The following MARK4 variants were observed in gnomAD, a reference collection of about 807,000 sequenced individuals.
MARK4 encodes the protein microtubule affinity regulating kinase 4.
Under a neutral mutation model 81.5 loss-of-function variants are expected in MARK4, and 19 were observed. The ratio of observed to expected loss-of-function variants is 0.23; its 90% confidence interval spans 0.16 to 0.34. MARK4 has a LOEUF of 0.34. Among genes scored for constraint, MARK4 ranks in the 10% least tolerant of loss-of-function variants. The pLI, the probability that MARK4 is intolerant of heterozygous loss-of-function variation, is 1.00. For missense variants in MARK4, 772 were observed against 1,058.8 expected, an observed-to-expected ratio of 0.73 and a Z score of 3.76; for synonymous variants, 436 against 439.0, an observed-to-expected ratio of 0.99 and a Z score of 0.08.
chr19:45,298,270 G>A, intron 15 of MARK4: 8 of 1,586,538 alleles, frequency 5.0e-6, no homozygotes, highest in Non-Finnish European at 6.9e-6. Flanking sequence ...CTCCCTGCCT[G>A]CATGTCTGAC....
intron 12 of MARK4, among the ~76,000 whole-genome samples, chr19:45,286,742 T>G (rs1370694776): frequency 6.6e-6 from 1 of 151,758 alleles, no homozygotes; most frequent in Non-Finnish European, 1.5e-5. Context: ...AGAAGGAAAC[T>G]TAAGATATAT....
intron 13 of MARK4, among the ~76,000 whole-genome samples, chr19:45,290,887 G>A (rs1433937547): frequency 6.6e-6 from 1 of 152,164 alleles, no homozygotes; most frequent in East Asian, 1.9e-4. Flanking sequence ...ATGTTGTGAG[G>A]GAACCCCGTG....
chr19:45,300,168 A>C (rs1249056893), intron 16 of MARK4, among the ~76,000 whole-genome samples: 1 of 152,094 alleles, frequency 6.6e-6, no homozygotes, highest in East Asian at 1.9e-4. Flanking sequence ...AAGATGGAGA[A>C]ACCCCGTCGT....
intron 10 of MARK4, among the ~76,000 whole-genome samples, chr19:45,279,283 G>A (rs1489781094): frequency 6.6e-6 from 1 of 152,104 alleles, no homozygotes; most frequent in Non-Finnish European, 1.5e-5. Context: ...TTGGGAGGCT[G>A]AGGCTGACAG....
At chr19:45,255,894 G>GGT (rs929290934) in intron 1 of MARK4, among the ~76,000 whole-genome samples, 13 of 118,306 alleles carry the variant, frequency 1.1e-4, no homozygotes, top group Non-Finnish European at 1.7e-4. Context: ...GCCCTGAAAG[G>GGT]GAGACAGTCC....
intron 2 of MARK4, 63 bp downstream of exon 2, chr19:45,259,252 G>A (rs1395632389): frequency 3.2e-6 from 5 of 1,563,774 alleles, no homozygotes; most frequent in East Asian, 2.3e-5. Flanking sequence ...TTCGGTGTAT[G>A]TTGATAGAGG....
At chr19:45,264,945 G>GCCTGGGTC in intron 6 of MARK4, 35 bp downstream of exon 6, 1 of 1,608,366 alleles carries the variant, frequency 6.2e-7, no homozygotes, top group Non-Finnish European at 8.5e-7. Flanking sequence ...CTGACTGGGT[G>GCCTGGGTC]CCTGGGTCCC....
At position 45,278,555 on chromosome 19, in the gene MARK4, G is replaced by A; in HGVS notation, c.946G>A (p.Gly316Ser). Residue 316 changes from glycine to serine, a missense_variant, in exon 10 of 17, where the codon GGT becomes AGT. This residue lies in a region of MARK4 where 109 missense variants were observed against 294.7 expected (regional missense o/e 0.37). Transcript: ENST00000262891. ...CAAATGGATCAACATCGGCTATGAG[G>A]GTGAGGAGTTGAAGCCATACACAGA... ...KDKWINIGYEGEELKPYTEPE... is the reference protein window; with the variant it reads ...KDKWINIGYESEELKPYTEPE... The A allele has an allele frequency of 6.2e-7, 1 of 1,614,062 alleles. No individual in the cohort carries two copies. Among genetic ancestry groups the A allele is most frequent in the Non-Finnish European group, 8.5e-7 (1 of 1,179,996 alleles).
intron 8 of MARK4, among the ~76,000 whole-genome samples, chr19:45,276,392 T>C (rs937176019): frequency 7.2e-5 from 11 of 152,174 alleles, no homozygotes; most frequent in Non-Finnish European, 1.5e-4. Flanking sequence ...ATTTATCTTA[T>C]TTTTCACAGC....
chr19:45,290,851 G>A (rs192345391), intron 13 of MARK4, among the ~76,000 whole-genome samples: 26 of 152,304 alleles, frequency 1.7e-4, no homozygotes, highest in Admixed American at 2.0e-4. Context: ...TGCAGAGCCC[G>A]GGGTCAGTAC....
intron 7 of MARK4, 65 bp downstream of exon 7, chr19:45,266,346 C>G (rs1406976921): frequency 6.6e-6 from 10 of 1,513,888 alleles, no homozygotes; most frequent in South Asian, 2.2e-5. Context: ...TCCCTGCCCC[C>G]ACCCCTCCAT....
intron 14 of MARK4, among the ~76,000 whole-genome samples, chr19:45,296,445 G>T (rs1970888584): frequency 6.6e-6 from 1 of 152,216 alleles, no homozygotes; most frequent in African/African-American, 2.4e-5. Flanking sequence ...TTCCCAATCA[G>T]GAAGAAGTGG....
intron 7 of MARK4, among the ~76,000 whole-genome samples, chr19:45,269,680 A>G (rs1173944581): frequency 6.6e-6 from 1 of 152,122 alleles, no homozygotes; most frequent in Non-Finnish European, 1.5e-5. Flanking sequence ...TCCTCCGCGC[A>G]CTGTGGAAAC....
intron 13 of MARK4, 172 bp downstream of exon 13, chr19:45,287,836 T>G: frequency 1.3e-6 from 1 of 749,804 alleles, no homozygotes. Context: ...TGAGCTCAGT[T>G]TATACACTAA....
chr19:45,255,625 C>G (rs1253925116), intron 1 of MARK4, among the ~76,000 whole-genome samples: 1 of 151,316 alleles, frequency 6.6e-6, no homozygotes, highest in Non-Finnish European at 1.5e-5. Flanking sequence ...GGGTCCGGGT[C>G]TCACTTTCCC....
chr19:45,281,381 GAC>G (rs1970672761), intron 12 of MARK4, among the ~76,000 whole-genome samples: 1 of 62,888 alleles, frequency 1.6e-5, no homozygotes, highest in Non-Finnish European at 3.5e-5. Flanking sequence ...TTTTTTTTGA[GAC>G]AGAGTCTCAC....
intron 1 of MARK4, among the ~76,000 whole-genome samples, chr19:45,257,565 G>T (rs972116647): frequency 6.6e-6 from 1 of 151,686 alleles, no homozygotes; most frequent in Non-Finnish European, 1.5e-5. Flanking sequence ...TGTATTTTTA[G>T]TAGAGACGGG....
chr19:45,256,985 G>C (rs1970314993), intron 1 of MARK4, among the ~76,000 whole-genome samples: 1 of 151,772 alleles, frequency 6.6e-6, no homozygotes, highest in Admixed American at 6.6e-5. Context: ...ACAGGGTCTT[G>C]CTCTGTTGCC....
At chr19:45,269,836 C>T (rs1970502321) in intron 7 of MARK4, among the ~76,000 whole-genome samples, 1 of 152,130 alleles carries the variant, frequency 6.6e-6, no homozygotes, top group African/African-American at 2.4e-5. Context: ...TATAACAATA[C>T]AAAACGTTTA....
Sources: gnomAD v4.1 joint callset for allele counts (sites outside exome capture counted in the v4.1 genomes callset) on GRCh38, gnomAD v4.1.1 for gene constraint, gnomAD v4.1.1 regional missense constraint, MANE v1.5 for transcripts, NCBI Gene and HGNC (gene_info 2026-07-23, HGNC 2026-07-21) for gene names.